TFB1M: variants seen among roughly 807,000 people sequenced by gnomAD.
TFB1M encodes dimethyladenosine transferase 1, mitochondrial.
A neutral mutation model predicts 31.1 loss-of-function variants in TFB1M; 27 were observed. That is an observed-to-expected ratio of 0.87 (90% CI 0.64 to 1.20). The LOEUF is 1.20. TFB1M is among the 50% of genes most tolerant of loss of function. The pLI is 0.00. For missense variants in TFB1M, 394 were observed against 418.7 expected, an observed-to-expected ratio of 0.94 and a Z score of 0.51; for synonymous variants, 166 against 151.8, an observed-to-expected ratio of 1.09 and a Z score of -0.69.
chr6:155,290,310 C>G (rs1456225861), intron 4 of TFB1M, among the ~76,000 whole-genome samples: 1 of 145,400 alleles, frequency 6.9e-6, no homozygotes, highest in Non-Finnish European at 1.5e-5. Context: ...GGCATGAACC[C>G]GGGAGGCGGG....
the TFB1M span, among the ~76,000 whole-genome samples, chr6:155,249,327 T>G: frequency 6.6e-6 from 1 of 152,186 alleles, no homozygotes; most frequent in African/African-American, 2.4e-5. Context: ...GTTTTTAAGT[T>G]CCATTTAAAC....
At chr6:155,244,527 T>C in the TFB1M span, 1 of 1,150,420 alleles carries the variant, frequency 8.7e-7, no homozygotes, top group Non-Finnish European at 1.2e-6. Flanking sequence ...TGCTGTCTTC[T>C]TAAAGGATTT....
chr6:155,245,095 G>A, the TFB1M span, among the ~76,000 whole-genome samples: 1 of 152,180 alleles, frequency 6.6e-6, no homozygotes, highest in Non-Finnish European at 1.5e-5. Flanking sequence ...TGAAACCAGA[G>A]CTCCTACCCT....
the TFB1M span, chr6:155,250,460 G>A: frequency 4.0e-6 from 5 of 1,240,858 alleles, no homozygotes. Flanking sequence ...AGTTTAGGGA[G>A]AAAATGGCAG....
At chr6:155,282,801 C>T (rs991320447) in intron 5 of TFB1M, among the ~76,000 whole-genome samples, 3 of 151,892 alleles carry the variant, frequency 2.0e-5, no homozygotes, top group African/African-American at 4.8e-5. Flanking sequence ...CATCTCGCCT[C>T]GCTGCAAGCT....
chr6:155,272,433 C>G (rs1044920193), intron 5 of TFB1M, among the ~76,000 whole-genome samples: 2 of 151,976 alleles, frequency 1.3e-5, no homozygotes, highest in African/African-American at 4.8e-5. Context: ...TGTTTTGGGA[C>G]CATGAGAGAG....
At chr6:155,235,082 G>A in the TFB1M span, among the ~76,000 whole-genome samples, 6 of 151,892 alleles carry the variant, frequency 4.0e-5, no homozygotes, top group Admixed American at 6.5e-5. Context: ...AGAGGGGAAC[G>A]GGCCCTGTGC....
chr6:155,254,055 T>C, downstream of TFB1M: 1 of 1,613,996 alleles, frequency 6.2e-7, no homozygotes, highest in East Asian at 2.2e-5. Flanking sequence ...TTCAGTTGTG[T>C]TGCAGGTATG....
At chr6:155,284,807 A>C (rs1322316009) in intron 5 of TFB1M, among the ~76,000 whole-genome samples, 1 of 152,248 alleles carries the variant, frequency 6.6e-6, no homozygotes, top group Non-Finnish European at 1.5e-5. Flanking sequence ...TCTCTAACAG[A>C]AAACACAAAA....
intron 4 of TFB1M, among the ~76,000 whole-genome samples, chr6:155,290,959 G>T (rs1448905235): frequency 6.6e-6 from 1 of 152,128 alleles, no homozygotes; most frequent in Non-Finnish European, 1.5e-5. Context: ...AGGCCTCTAG[G>T]TAGCTCAAGA....
chr6:155,290,320 G>C (rs1361886913), intron 4 of TFB1M, among the ~76,000 whole-genome samples: 2 of 148,982 alleles, frequency 1.3e-5, no homozygotes, highest in African/African-American at 4.9e-5. Flanking sequence ...CGGGAGGCGG[G>C]GCTTGCAGCG....
At chr6:155,309,003 T>C (rs944571258) in intron 2 of TFB1M, among the ~76,000 whole-genome samples, 2 of 152,224 alleles carry the variant, frequency 1.3e-5, no homozygotes, top group Non-Finnish European at 2.9e-5. Context: ...CTTTCCTGCA[T>C]ATAAGATACT....
chr6:155,248,144 C>T, the TFB1M span: 550 of 1,614,112 alleles, frequency 3.4e-4, 1 homozygote, highest in Middle Eastern at 1.2e-3. Flanking sequence ...GTGTCCCTGA[C>T]GGACCAGGAG....
intron 2 of TFB1M, 143 bp downstream of exon 2, chr6:155,311,045 C>CA (rs1336316254): frequency 3.4e-6 from 3 of 891,912 alleles, no homozygotes; most frequent in African/African-American, 3.4e-5. Flanking sequence ...ACTATGGAAT[C>CA]AAAATCTCTG....
At chr6:155,245,537 C>T in the TFB1M span, 1 of 1,116,956 alleles carries the variant, frequency 9.0e-7, no homozygotes, top group Non-Finnish European at 1.4e-6. Context: ...TGGAATCTGA[C>T]AGAAGCCATG....
chr6:155,244,601 G>C, the TFB1M span: 13 of 1,582,124 alleles, frequency 8.2e-6, no homozygotes, highest in Non-Finnish European at 1.1e-5. Context: ...AAGAGTTAGC[G>C]TGGTGTCCTG....
At chr6:155,268,286 T>C (rs961047382) in intron 5 of TFB1M, among the ~76,000 whole-genome samples, 14 of 152,190 alleles carry the variant, frequency 9.2e-5, no homozygotes, top group African/African-American at 2.9e-4. Context: ...ACTCTGATGG[T>C]TCACACTGCC....
rs1784344334 is a variant in TFB1M at position 155,260,549 on chromosome 6, G to T, written c.667-149C>A. On this transcript the variant is annotated intron_variant, in intron 5 of 6. Coordinates refer to ENST00000367166, the MANE Select transcript of TFB1M (RefSeq NM_016020.4). ...TCCACGTACTTCGGTTTCATCTCTA[G>T]GCATGGAAGATGGTACATTCTGGAT... is the stretch of plus-strand genomic sequence containing the variant. 5 of 975,368 alleles carry T rather than the reference G, an allele frequency of 5.1e-6. No individual in the cohort carries two copies. In the Admixed American group the frequency reaches 6.0e-5, roughly 12 times the overall value. 60.4% of individuals were successfully genotyped at this position (975,368 alleles called of 1,614,324 possible).
chr6:155,307,136 T>TACATACACACACACAC (rs934986395), intron 2 of TFB1M, among the ~76,000 whole-genome samples: 7 of 147,356 alleles, frequency 4.8e-5, no homozygotes, highest in African/African-American at 1.8e-4. Context: ...CTCAAACACA[T>TACATACACACACACAC]ACACACACAC....
Sources: allele counts gnomAD v4.1 joint callset (sites outside exome capture counted in the v4.1 genomes callset), GRCh38; gene constraint gnomAD v4.1.1; transcripts MANE v1.5; gene names NCBI Gene and HGNC (gene_info 2026-07-23, HGNC 2026-07-21).